MYO3A: variants seen among roughly 807,000 people sequenced by gnomAD.
The protein encoded by MYO3A is myosin-IIIa.
A neutral mutation model predicts 192.7 loss-of-function variants in MYO3A; 180 were observed. That is an observed-to-expected ratio of 0.93 (90% CI 0.83 to 1.06). The LOEUF (loss-of-function observed/expected upper bound fraction) is 1.06, where lower values mean the gene tolerates loss of function less well. Ranked by LOEUF, MYO3A falls within the 50% of genes least tolerant of loss-of-function variation. The probability of loss-of-function intolerance (pLI) is 0.00; values close to 1 mark genes in which losing one functional copy is unlikely to be tolerated. For missense variants in MYO3A, 1,896 were observed against 1,905.0 expected (o/e 1.00, Z 0.09); for synonymous variants, 628 against 645.3 (o/e 0.97, Z 0.41).
intron 18 of MYO3A, among the ~76,000 whole-genome samples, chr10:26,124,155 C>T (rs1423218844): frequency 1.6e-5 from 2 of 128,620 alleles, no homozygotes; most frequent in Non-Finnish European, 3.1e-5. Context: ...TGCTGTAGCA[C>T]ACCAGCTTGG....
intron 4 of MYO3A, among the ~76,000 whole-genome samples, chr10:25,956,747 T>A (rs1235283778): frequency 1.3e-5 from 2 of 152,130 alleles, no homozygotes; most frequent in Non-Finnish European, 2.9e-5. Context: ...TTTTTCCTTT[T>A]AAAAAATTTT....
chr10:26,024,127 C>A (rs1340479957), intron 9 of MYO3A, 40 bp downstream of exon 9: 4 of 1,530,044 alleles, frequency 2.6e-6, no homozygotes, highest in Non-Finnish European at 3.6e-6. Flanking sequence ...AAGATATTCC[C>A]TCCTGCTATA....
chr10:26,072,645 A>G (rs1835278116), intron 14 of MYO3A, among the ~76,000 whole-genome samples: 1 of 152,126 alleles, frequency 6.6e-6, no homozygotes, highest in Admixed American at 6.5e-5. Flanking sequence ...GAACTCAGAT[A>G]AAACAAATTG....
At position 26,206,164 on chromosome 10, in the gene MYO3A, G is replaced by A. The variant is rs568601143; in HGVS notation, c.4730+3057G>A. 4.0e-5 allele frequency among the ~76,000 whole-genome samples: 6 copies of A among 151,030 alleles called. No individual in the cohort carries two copies. In the South Asian group the frequency reaches 1.1e-3, roughly 26 times the overall value. ...CAACCTCTGCCTCCCAGGTTCAAGC[G>A]AGTCTCCTGCCTCAGCCTCCAGAGT... On this transcript the variant is annotated intron_variant, in intron 34 of 34. Coordinates refer to ENST00000642920, the MANE Select transcript of MYO3A (RefSeq NM_017433.5).
intron 2 of MYO3A, among the ~76,000 whole-genome samples, chr10:25,951,843 T>C (rs1253060669): frequency 6.6e-6 from 1 of 152,162 alleles, no homozygotes; most frequent in Non-Finnish European, 1.5e-5. Context: ...CTAAAAAGAA[T>C]TAACAGCAAT....
At chr10:26,181,137 G>T (rs1190149917) in intron 31 of MYO3A, among the ~76,000 whole-genome samples, 1 of 152,094 alleles carries the variant, frequency 6.6e-6, no homozygotes, top group Admixed American at 6.5e-5. Context: ...GAACAGAAAA[G>T]AAATGGATGG....
intron 4 of MYO3A, among the ~76,000 whole-genome samples, chr10:25,995,531 T>G (rs1013354534): frequency 6.6e-6 from 1 of 152,256 alleles, no homozygotes; most frequent in Non-Finnish European, 1.5e-5. Flanking sequence ...TCCAGCTTTG[T>G]TCCATTGCTG....
At chr10:25,975,116 C>G (rs532065212) in intron 4 of MYO3A, among the ~76,000 whole-genome samples, 17 of 152,118 alleles carry the variant, frequency 1.1e-4, no homozygotes, top group African/African-American at 3.6e-4. Context: ...GGCATGTGCA[C>G]GCACAGTAGG....
intron 17 of MYO3A, among the ~76,000 whole-genome samples, chr10:26,104,774 A>G (rs1302704534): frequency 1.3e-5 from 2 of 151,922 alleles, no homozygotes; most frequent in South Asian, 4.2e-4. Flanking sequence ...TTAAATCTAC[A>G]TCTGCTCTCT....
At chr10:26,011,572 A>G (rs1841662955) in intron 6 of MYO3A, among the ~76,000 whole-genome samples, 1 of 152,228 alleles carries the variant, frequency 6.6e-6, no homozygotes, top group Non-Finnish European at 1.5e-5. Context: ...TGAATCAGGA[A>G]GTAATGGAAA....
intron 14 of MYO3A, among the ~76,000 whole-genome samples, chr10:26,072,231 C>T (rs55752594): frequency 0.48 from 72,180 of 151,922 alleles, 17,956 homozygotes; most frequent in Middle Eastern, 0.59. Context: ...TCCCTAGACA[C>T]GTGGGGATTA....
At position 26,180,840 on chromosome 10, in the gene MYO3A, A is replaced by G. The variant is rs142970508; in HGVS notation, c.4438+3995A>G. Among the ~76,000 whole-genome samples, 748 of 152,202 alleles carry G rather than the reference A, an allele frequency of 4.9e-3. 8 individuals carry two copies. Among genetic ancestry groups the G allele is most frequent in the African/African-American group, 0.017 (721 of 41,538 alleles). On this transcript the variant is annotated intron_variant, in intron 31 of 34. Transcript: ENST00000642920. Reference sequence around the variant, plus strand: ...TGAAAGATAAAATACGGTAAACATGACCATTCTAAAATTACTTTCTAGGTT... The same window carrying G: ...TGAAAGATAAAATACGGTAAACATGGCCATTCTAAAATTACTTTCTAGGTT...
chr10:25,956,152 G>T (rs1396611833), intron 4 of MYO3A, among the ~76,000 whole-genome samples: 1 of 152,092 alleles, frequency 6.6e-6, no homozygotes, highest in Non-Finnish European at 1.5e-5. Flanking sequence ...TCTTAAAACC[G>T]CATTCATGAG....
At chr10:25,980,516 CATTT>C (rs1839263897) in intron 4 of MYO3A, among the ~76,000 whole-genome samples, 1 of 152,112 alleles carries the variant, frequency 6.6e-6, no homozygotes, top group Admixed American at 6.6e-5. Flanking sequence ...ATTATGAACA[CATTT>C]ATATATAAAT....
At position 26,193,310 on chromosome 10, in the gene MYO3A, A is replaced by T; in HGVS notation, c.4544A>T (p.His1515Leu). 6.2e-7 allele frequency: 1 copy of T among 1,606,462 alleles called. No homozygotes were observed. Among genetic ancestry groups the T allele is most frequent in the African/African-American group, 1.3e-5 (1 of 74,832 alleles). Residue 1515 changes from histidine (H) to leucine (L), a missense_variant and splice_region_variant, in exon 32 of 35, where the codon CAT becomes CTT. His to Leu is a moderately conservative substitution (Grantham distance 99). Transcript: ENST00000642920. ...PEDSTYYYLL[H>L]KSIQEEKRRP... ...GACTCCACATACTATTATCTACTTC[A>T]TGTAAGTGGCTCACTCTTACTATCA...
chr10:26,115,997 TATG>T (rs761675068), intron 17 of MYO3A, among the ~76,000 whole-genome samples: 1 of 152,228 alleles, frequency 6.6e-6, no homozygotes, highest in Non-Finnish European at 1.5e-5. Context: ...ATGTCACTAA[TATG>T]ATCTTTACTG....
intron 20 of MYO3A, among the ~76,000 whole-genome samples, chr10:26,131,991 C>A (rs536255251): frequency 6.6e-6 from 1 of 152,332 alleles, no homozygotes; most frequent in African/African-American, 2.4e-5. Context: ...CATATTTCAG[C>A]CTTCGCTATT....
intron 2 of MYO3A, among the ~76,000 whole-genome samples, chr10:25,940,824 T>C (rs577866562): frequency 7.2e-5 from 11 of 152,334 alleles, no homozygotes; most frequent in Middle Eastern, 3.4e-3. Context: ...AACTCTTTTC[T>C]ATCTGGTTGA....
At chr10:25,997,988 T>C (rs1056409016) in intron 6 of MYO3A, among the ~76,000 whole-genome samples, 1 of 152,254 alleles carries the variant, frequency 6.6e-6, no homozygotes, top group African/African-American at 2.4e-5. Context: ...TCAGTCGTTA[T>C]TCTCCTTCCC....
Sources: gnomAD v4.1 joint callset for allele counts (sites outside exome capture counted in the v4.1 genomes callset) on GRCh38, gnomAD v4.1.1 for gene constraint, MANE v1.5 for transcripts, NCBI Gene and HGNC (gene_info 2026-07-23, HGNC 2026-07-21) for gene names.